The following TIAM1 variants were observed in gnomAD, a reference collection of about 807,000 sequenced individuals.
TIAM1 encodes TIAM Rac1 associated GEF 1.
A neutral mutation model predicts 163.5 loss-of-function variants in TIAM1; 65 were observed. That is an observed-to-expected ratio of 0.40 (90% CI 0.33 to 0.49). The LOEUF is 0.49. Ranked by LOEUF, TIAM1 falls within the 20% of genes least tolerant of loss-of-function variation. The pLI, the probability that TIAM1 is intolerant of heterozygous loss-of-function variation, is 0.77. For missense variants in TIAM1, 1,789 were observed against 2,044.7 expected (o/e 0.87, Z 2.41); for synonymous variants, 833 against 810.1 (o/e 1.03, Z -0.48).
At chr21:31,243,114 C>A (rs181183705) in intron 6 of TIAM1, among the ~76,000 whole-genome samples, 1 of 145,712 alleles carries the variant, frequency 6.9e-6, no homozygotes, top group African/African-American at 2.5e-5. Flanking sequence ...ATTGCTTGAA[C>A]GTGGGAGGCA....
intron 2 of TIAM1, among the ~76,000 whole-genome samples, chr21:31,442,089 A>ATATATATATATATATATATAT (rs1555982237): frequency 5.6e-4 from 69 of 123,796 alleles, no homozygotes; most frequent in Non-Finnish European, 6.6e-4. Context: ...ATATATATAG[A>ATATATATATATATATATATAT]ACAATAAGGG....
At chr21:31,463,985 T>C (rs1230006817) in exon 2 of TIAM1, 1 of 152,148 alleles carries the variant, frequency 6.6e-6, no homozygotes, top group Non-Finnish European at 1.5e-5. Context: ...CTGCTCACCA[T>C]ATGACCGTCA....
intron 1 of TIAM1, among the ~76,000 whole-genome samples, chr21:31,525,655 T>C (rs2047754589): frequency 6.6e-6 from 1 of 152,150 alleles, no homozygotes; most frequent in Admixed American, 6.6e-5. Context: ...ACCCAGGCAG[T>C]CTGGCACCAG....
chr21:31,231,964 A>T (rs554222228), intron 6 of TIAM1, among the ~76,000 whole-genome samples: 1 of 152,080 alleles, frequency 6.6e-6, no homozygotes, highest in African/African-American at 2.4e-5. Context: ...GTGAGCTGAG[A>T]TTATGCCACA....
intron 2 of TIAM1, among the ~76,000 whole-genome samples, chr21:31,282,899 T>A (rs1427528854): frequency 2.0e-5 from 3 of 152,224 alleles, no homozygotes; most frequent in African/African-American, 4.8e-5. Context: ...TCCTAATGTA[T>A]CCAAATATAT....
chr21:31,275,292 T>G (rs990139873), intron 3 of TIAM1, among the ~76,000 whole-genome samples: 3 of 152,170 alleles, frequency 2.0e-5, no homozygotes. Context: ...GTTTTTATAG[T>G]AAATACGTAA....
At chr21:31,252,759 G>A (rs189636805) in intron 4 of TIAM1, among the ~76,000 whole-genome samples, 2 of 152,330 alleles carry the variant, frequency 1.3e-5, no homozygotes, top group East Asian at 3.9e-4. Context: ...ACCCAGCACG[G>A]CTCCGTGTTC....
At chr21:31,235,536 A>T (rs1601651976) in intron 6 of TIAM1, among the ~76,000 whole-genome samples, 1 of 152,356 alleles carries the variant, frequency 6.6e-6, no homozygotes, top group East Asian at 1.9e-4. Flanking sequence ...CAGTATAAAC[A>T]TGTTAATGAG....
intron 2 of TIAM1, among the ~76,000 whole-genome samples, chr21:31,449,061 G>T (rs2044731933): frequency 6.6e-6 from 1 of 151,962 alleles, no homozygotes; most frequent in African/African-American, 2.4e-5. Context: ...AACTTCCCAG[G>T]CCAGGTGATC....
At chr21:31,485,234 C>T (rs1180408631) in intron 1 of TIAM1, among the ~76,000 whole-genome samples, 3 of 152,186 alleles carry the variant, frequency 2.0e-5, no homozygotes, top group Non-Finnish European at 4.4e-5. Context: ...CAAACCAGGG[C>T]ATGCCTCACT....
chr21:31,365,379 A>C (rs866021582), intron 2 of TIAM1, among the ~76,000 whole-genome samples: 23 of 126,670 alleles, frequency 1.8e-4, no homozygotes, highest in Non-Finnish European at 2.7e-4. Flanking sequence ...TGTCTCACTT[A>C]TTTCTTTCTT....
chr21:31,250,592 A>G (rs190749926), intron 5 of TIAM1, among the ~76,000 whole-genome samples: 1 of 152,332 alleles, frequency 6.6e-6, no homozygotes, highest in Admixed American at 6.5e-5. Context: ...GAAATCCAGT[A>G]TCGAACGGTC....
chr21:31,145,186 C>T (rs1176492339), intron 20 of TIAM1, among the ~76,000 whole-genome samples: 1 of 152,172 alleles, frequency 6.6e-6, no homozygotes, highest in Admixed American at 6.5e-5. Flanking sequence ...CCCAGGTCCC[C>T]TTTTCATTTG....
rs1203912991 is a variant in TIAM1, at chr21:31,365,386, T to C, written c.-368-25964A>G. ...AGGGTCTGTGTCTCACTTATTTCTT[T>C]CTTTTTTTTTTTTTTTTTTTGAGAG... On this transcript the variant is annotated intron_variant, in intron 2 of 28. Transcript: ENST00000286827. 1.2e-4 allele frequency among the ~76,000 whole-genome samples: 17 copies of C among 145,336 alleles called. No homozygotes were observed. In the East Asian group the frequency reaches 3.6e-3, roughly 30 times the overall value.
In TIAM1 at chr21:31,394,443, T is replaced by G. The variant is rs529213620; in HGVS notation, c.-368-55021A>C. ...TGTGGTGAACACACGTAATTATACA[T>G]TGGTCCAAACGCACAGAAGGTACAA... On this transcript the variant is annotated intron_variant, in intron 2 of 28. Transcript: ENST00000286827. Among the ~76,000 whole-genome samples, 5 of 152,270 alleles carry G rather than the reference T, an allele frequency of 3.3e-5. No individual in the cohort carries two copies. In the South Asian group the frequency reaches 1.0e-3, roughly 32 times the overall value.
intron 1 of TIAM1, among the ~76,000 whole-genome samples, chr21:31,532,824 G>A (rs1246609676): frequency 2.6e-5 from 4 of 152,314 alleles, no homozygotes; most frequent in Admixed American, 2.0e-4. Context: ...GCGCATGCCT[G>A]CAGTCCCAGC....
chr21:31,438,581 AC>A (rs1569331955), intron 2 of TIAM1, among the ~76,000 whole-genome samples: 2 of 152,208 alleles, frequency 1.3e-5, no homozygotes, highest in South Asian at 4.1e-4. Flanking sequence ...GCACAAACGT[AC>A]CATCAGCTCA....
At chr21:31,238,326 C>G (rs182894436) in intron 6 of TIAM1, among the ~76,000 whole-genome samples, 267 of 152,342 alleles carry the variant, frequency 1.8e-3, no homozygotes, top group Admixed American at 5.3e-3. Flanking sequence ...GGTATCCAAA[C>G]AGCAGTAATT....
At position 31,119,503 on chromosome 21, in the gene TIAM1, T is replaced by C. The variant is rs1045347097; in HGVS notation, c.*865A>G. 2 of 152,320 alleles carry C rather than the reference T, an allele frequency of 1.3e-5. No individual in the cohort carries two copies. The highest frequency in any genetic ancestry group is 2.9e-5 in the Non-Finnish European group (2 of 67,982). 9.4% of individuals were successfully genotyped at this position (152,320 alleles called of 1,614,324 possible). A position where few individuals can be genotyped will look rare whatever the true frequency, so the allele number is the denominator to read the frequency against. ...AAAAATCCGCTTTTTGGAAGAAAAG[T>C]ATATCCTTCGCATGAGCTTGCTGGC... On this transcript the variant is annotated 3_prime_UTR_variant, in exon 28 of 28. Transcript: ENST00000541036.
Sources: gnomAD v4.1 joint callset for allele counts (sites outside exome capture counted in the v4.1 genomes callset) on GRCh38, gnomAD v4.1.1 for gene constraint, MANE v1.5 for transcripts, NCBI Gene and HGNC (gene_info 2026-07-23, HGNC 2026-07-21) for gene names.